The following TMEM229B variants were observed in gnomAD, a reference collection of about 807,000 sequenced individuals.
The protein encoded by TMEM229B is transmembrane protein 229B.
Under a neutral mutation model 13.7 loss-of-function variants are expected in TMEM229B, and 6 were observed. The observed-to-expected ratio is 0.44, with a 90% CI of 0.24 to 0.86. TMEM229B has a LOEUF of 0.86. TMEM229B is among the 40% of genes least tolerant of loss of function. The probability of loss-of-function intolerance (pLI) is 0.23; values close to 1 mark genes in which losing one functional copy is unlikely to be tolerated. For missense variants in TMEM229B, 170 were observed against 236.0 expected, an observed-to-expected ratio of 0.72 and a Z score of 1.83; for synonymous variants, 107 against 102.1, an observed-to-expected ratio of 1.05 and a Z score of -0.29.
chr14:67,473,012 C>T lies in TMEM229B; in HGVS notation c.*408G>A, dbSNP rs1341949414. 1 of 210,496 alleles carries T rather than the reference C, an allele frequency of 4.8e-6. No homozygotes were observed. The highest frequency in any genetic ancestry group is 9.6e-6 in the Non-Finnish European group (1 of 103,708). 13.0% of individuals were successfully genotyped at this position (210,496 alleles called of 1,614,324 possible). A position where few individuals can be genotyped will look rare whatever the true frequency, so the allele number is the denominator to read the frequency against. On this transcript the variant is annotated 3_prime_UTR_variant, in exon 3 of 3. Coordinates refer to ENST00000554480, the MANE Select transcript of TMEM229B (RefSeq NM_001348543.2). This position sits in a 1 kb window ranked among gnomAD's most constrained non-coding sequence, Gnocchi z 6.5. ...CTGAATATTGCCTAATGGAACCAGC[C>T]AAAGCTCAACTAAATCCAGATCGGA...
chr14:67,485,669 G>T (rs762987638), intron 2 of TMEM229B, among the ~76,000 whole-genome samples: 7 of 152,198 alleles, frequency 4.6e-5, no homozygotes, highest in African/African-American at 1.7e-4. Context: ...CAGCCTTCAG[G>T]CCAGACAGGC....
intron 1 of TMEM229B, among the ~76,000 whole-genome samples, chr14:67,531,477 C>T (rs1783672465): frequency 1.3e-5 from 2 of 152,078 alleles, no homozygotes. Context: ...TGGCCCCAAA[C>T]TCATTGAAAG....
chr14:67,518,942 T>C (rs1431750232), upstream of TMEM229B, among the ~76,000 whole-genome samples: 1 of 152,106 alleles, frequency 6.6e-6, no homozygotes, highest in Non-Finnish European at 1.5e-5. Context: ...GATGCTATGA[T>C]AAGAAAGCAA....
chr14:67,481,248 A>T (rs939638277), intron 2 of TMEM229B, among the ~76,000 whole-genome samples: 6 of 152,132 alleles, frequency 3.9e-5, no homozygotes, highest in Non-Finnish European at 8.8e-5. Context: ...GTGCCACTGC[A>T]CTCCAGCATG....
At chr14:67,505,678 G>C (rs892529054) in intron 1 of TMEM229B, among the ~76,000 whole-genome samples, 1 of 151,944 alleles carries the variant, frequency 6.6e-6, no homozygotes, top group Non-Finnish European at 1.5e-5. Flanking sequence ...GCTGAGGAAG[G>C]AGCAATGATC....
At chr14:67,474,910 CCTT>C (rs2031072685) in intron 2 of TMEM229B, among the ~76,000 whole-genome samples, 1 of 139,014 alleles carries the variant, frequency 7.2e-6, no homozygotes, top group Non-Finnish European at 1.5e-5. Context: ...GTCAGAATTT[CCTT>C]CTTTTTTTTT....
chr14:67,491,078 C>T (rs2032149802), upstream of TMEM229B, among the ~76,000 whole-genome samples: 1 of 152,200 alleles, frequency 6.6e-6, no homozygotes, highest in Non-Finnish European at 1.5e-5. Flanking sequence ...TAGATCGTCA[C>T]CTATACTTCT....
chr14:67,517,997 C>T (rs2033233981), upstream of TMEM229B, among the ~76,000 whole-genome samples: 1 of 152,112 alleles, frequency 6.6e-6, no homozygotes, highest in Admixed American at 6.5e-5. Flanking sequence ...GTAAGGGGCC[C>T]CCCTGGCTTT....
At chr14:67,520,999 A>T (rs555504630) in intron 1 of TMEM229B, among the ~76,000 whole-genome samples, 1 of 152,332 alleles carries the variant, frequency 6.6e-6, no homozygotes, top group East Asian at 1.9e-4. Flanking sequence ...TTGGGCCATT[A>T]TAATTGGTGT....
At chr14:67,524,823 C>G (rs570798108) in intron 1 of TMEM229B, among the ~76,000 whole-genome samples, 1 of 152,124 alleles carries the variant, frequency 6.6e-6, no homozygotes, top group African/African-American at 2.4e-5. Context: ...AGATGTGAGG[C>G]CCCTCTGATC....
intron 1 of TMEM229B, among the ~76,000 whole-genome samples, chr14:67,512,197 A>G (rs1399912872): frequency 6.6e-6 from 1 of 152,206 alleles, no homozygotes. Flanking sequence ...AGCCAGTGTG[A>G]CAACTCTCAG....
At chr14:67,509,744 T>C (rs1454320917) in intron 1 of TMEM229B, among the ~76,000 whole-genome samples, 1 of 152,198 alleles carries the variant, frequency 6.6e-6, no homozygotes, top group Non-Finnish European at 1.5e-5. Flanking sequence ...ATGTGGCTTA[T>C]CCCTGTAATC....
At chr14:67,510,766 G>A (rs2032998290) in intron 1 of TMEM229B, among the ~76,000 whole-genome samples, 1 of 152,092 alleles carries the variant, frequency 6.6e-6, no homozygotes, top group African/African-American at 2.4e-5. Context: ...GACTAAAATG[G>A]GGTTTGGCCA....
At chr14:67,496,649 T>C (rs111736408) in intron 1 of TMEM229B, among the ~76,000 whole-genome samples, 4 of 150,374 alleles carry the variant, frequency 2.7e-5, no homozygotes, top group East Asian at 2.0e-4. Context: ...TTTTCTTTCT[T>C]TCTCTCTCTC....
At chr14:67,496,797 T>TCTTGCTTGCTTG (rs10684901) in intron 1 of TMEM229B, among the ~76,000 whole-genome samples, 1 of 142,648 alleles carries the variant, frequency 7.0e-6, no homozygotes, top group East Asian at 2.1e-4. Context: ...TGTCTTTCTT[T>TCTTGCTTGCTTG]CTTGCTTGCT....
chr14:67,491,074 G>A (rs559111950), upstream of TMEM229B, among the ~76,000 whole-genome samples: 9 of 152,270 alleles, frequency 5.9e-5, no homozygotes, highest in Admixed American at 2.0e-4. Context: ...CAAGTAGATC[G>A]TCACCTATAC....
At chr14:67,519,952 G>C (rs551324136), upstream of TMEM229B, among the ~76,000 whole-genome samples, 7 of 152,126 alleles carry the variant, frequency 4.6e-5, no homozygotes, top group African/African-American at 1.7e-4. Flanking sequence ...TGAACTCCTA[G>C]CCTCAAGTGG....
At chr14:67,526,393 A>G (rs1402298550) in intron 1 of TMEM229B, among the ~76,000 whole-genome samples, 2 of 152,254 alleles carry the variant, frequency 1.3e-5, no homozygotes, top group Non-Finnish European at 2.9e-5. Context: ...ATGAGTGCCA[A>G]GCTGACGGTC....
At chr14:67,524,628 C>T (rs140029730) in intron 1 of TMEM229B, among the ~76,000 whole-genome samples, 1 of 152,228 alleles carries the variant, frequency 6.6e-6, no homozygotes, top group East Asian at 1.9e-4. Context: ...TTGAAAGTTG[C>T]GAGATGGGCT....
Sources: allele counts gnomAD v4.1 joint callset (sites outside exome capture counted in the v4.1 genomes callset), GRCh38; gene constraint gnomAD v4.1.1; non-coding constraint Gnocchi (gnomAD v3.1); transcripts MANE v1.5; gene names NCBI Gene and HGNC (gene_info 2026-07-23, HGNC 2026-07-21).